Variants in ATRNL1 observed in about 807,000 individuals in gnomAD.
ATRNL1 encodes attractin-like protein 1.
In ATRNL1, 95 loss-of-function variants were observed where a neutral mutation model predicts 182.7. That is an observed-to-expected ratio of 0.52 (90% CI 0.44 to 0.62). The LOEUF (loss-of-function observed/expected upper bound fraction) is 0.62, where lower values mean the gene tolerates loss of function less well. ATRNL1 is among the 20% of genes least tolerant of loss of function. The probability of loss-of-function intolerance (pLI) is 0.00; values close to 1 mark genes in which losing one functional copy is unlikely to be tolerated. For synonymous variants in ATRNL1, 576 were observed against 568.3 expected (o/e 1.01, Z -0.19); for missense variants, 1,471 against 1,679.5 (o/e 0.88, Z 2.17).
At chr10:115,491,297 A>G (rs1234219279) in intron 24 of ATRNL1, among the ~76,000 whole-genome samples, 1 of 152,134 alleles carries the variant, frequency 6.6e-6, no homozygotes, top group Non-Finnish European at 1.5e-5. Flanking sequence ...TACTCTCTTC[A>G]GAGCTGTCAG....
Position 115,093,448 on chromosome 10 carries a change from G to T in ATRNL1, c.-303G>T, listed in dbSNP as rs2084926806. 4.0e-6 allele frequency: 2 copies of T among 503,824 alleles called. No homozygotes were observed. Among genetic ancestry groups the T allele is most frequent in the Non-Finnish European group, 7.2e-6 (2 of 278,494 alleles). 31.2% of individuals were successfully genotyped at this position (503,824 alleles called of 1,614,324 possible). ...TCAGGTCCCCTCAGGAGCGCCGGGC[G>T]CAGTCTGCGCCTCCCGCTCCCCGCC... is the stretch of plus-strand genomic sequence containing the variant. On this transcript the variant is annotated 5_prime_UTR_variant, in exon 1 of 29. Coordinates refer to ENST00000355044, the MANE Select transcript of ATRNL1 (RefSeq NM_207303.4). The surrounding 1 kb of genome is among the most constrained non-coding windows in gnomAD (Gnocchi z 6.1).
intron 1 of ATRNL1, among the ~76,000 whole-genome samples, chr10:115,096,377 ATTC>A (rs2085011022): frequency 1.3e-5 from 2 of 152,328 alleles, no homozygotes; most frequent in Middle Eastern, 3.4e-3. Context: ...GTAGAAAAGA[ATTC>A]TTCTTGGTAA....
chr10:115,093,816 TCGGCCGG>T lies in ATRNL1; in HGVS notation c.70_76del (p.Pro24AlafsTer74). The T allele has an allele frequency of 1.3e-6, 2 of 1,500,222 alleles. No individual in the cohort carries two copies. Among genetic ancestry groups the T allele is most frequent in the Non-Finnish European group, 1.8e-6 (2 of 1,125,854 alleles). The allele number at this position is 1,500,222 out of a possible 1,614,324, so 92.9% of individuals were successfully genotyped here. ...CAGCGGCCCCGGGGGTGTGGAGGGCTCGGCCGGCGGGCGGCGGCGGCGGGGGCGCCTC... is the reference window on the plus strand; with the variant it reads ...CAGCGGCCCCGGGGGTGTGGAGGGCTCGGGCGGCGGCGGCGGGGGCGCCTC... On this transcript the variant is annotated frameshift_variant, in exon 1 of 29. Coordinates refer to ENST00000355044, the MANE Select transcript of ATRNL1 (RefSeq NM_207303.4). LOFTEE classifies it high-confidence loss of function. The surrounding 1 kb of genome is among the most constrained non-coding windows in gnomAD (Gnocchi z 6.1).
chr10:115,112,198 A>G (rs571976325), intron 1 of ATRNL1, among the ~76,000 whole-genome samples: 1 of 152,348 alleles, frequency 6.6e-6, no homozygotes, highest in African/African-American at 2.4e-5. Context: ...TCATGAAGTG[A>G]AAGAGTATTG....
rs1290918962 is a variant in ATRNL1 at position 115,300,245 on chromosome 10, T to C, written c.2627T>C (p.Val876Ala). The change falls in exon 16 of 29, where the codon GTT becomes GCT. Residue 876 changes from valine to alanine, a missense_variant and splice_region_variant. Val to Ala is a moderately conservative substitution (Grantham distance 64). Around this residue, in one of 3 missense-constraint regions of ATRNL1, gnomAD observed 1,031 missense variants for 1,156.0 expected, o/e 0.89. Transcript: ENST00000355044. ...AATGGCCTTGTCTGTGAAAAACCTG[T>C]TGGTAAGTAGTCCAGTAAATTAGCA... is the stretch of plus-strand genomic sequence containing the variant. ...MANGLVCEKP[V>A]VSPNQNARPC... 2 of 1,612,322 alleles carry C rather than the reference T, an allele frequency of 1.2e-6. No homozygotes were observed. Among genetic ancestry groups the C allele is most frequent in the Non-Finnish European group, 1.7e-6 (2 of 1,178,692 alleles).
chr10:115,388,078 G>A (rs958044190), intron 19 of ATRNL1, among the ~76,000 whole-genome samples: 1 of 152,150 alleles, frequency 6.6e-6, no homozygotes, highest in African/African-American at 2.4e-5. Context: ...TGGGAAGAAG[G>A]CGTATTCTTT....
chr10:115,504,776 T>C (rs1170215551), intron 24 of ATRNL1, among the ~76,000 whole-genome samples: 5 of 152,072 alleles, frequency 3.3e-5, no homozygotes, highest in Non-Finnish European at 2.9e-5. Flanking sequence ...TGATAAAGTA[T>C]TTGATTTAAG....
At chr10:115,366,404 A>T (rs1353609920) in intron 19 of ATRNL1, among the ~76,000 whole-genome samples, 5 of 152,014 alleles carry the variant, frequency 3.3e-5, no homozygotes, top group Non-Finnish European at 7.4e-5. Flanking sequence ...TTTTGAGCCT[A>T]TGTGTGTCTC....
intron 28 of ATRNL1, among the ~76,000 whole-genome samples, chr10:115,915,456 G>T (rs1278993811): frequency 1.3e-5 from 2 of 152,038 alleles, no homozygotes; most frequent in African/African-American, 4.8e-5. Flanking sequence ...AGGATATAAT[G>T]ATTAAATAAG....
chr10:115,519,678 T>G (rs1042612166), intron 25 of ATRNL1, among the ~76,000 whole-genome samples: 3 of 152,208 alleles, frequency 2.0e-5, no homozygotes, highest in Non-Finnish European at 2.9e-5. Flanking sequence ...AATTTGTTTA[T>G]TTCTTAGTTA....
In ATRNL1 at chr10:115,286,459, AT is replaced by A. The variant is rs568013394; in HGVS notation, c.2415+71del. 2.1e-3 allele frequency: 2,487 copies of A among 1,167,238 alleles called. 12 individuals are homozygous for A. The highest frequency in any genetic ancestry group is 1.6e-3 in the South Asian group (74 of 46,368). The allele number at this position is 1,167,238 out of a possible 1,614,324, so 72.3% of individuals were successfully genotyped here. A position where few individuals can be genotyped will look rare whatever the true frequency, so the allele number is the denominator to read the frequency against. ...TATGATAATTTCATAATTATTTGAA[AT>A]TTTTTTTTGGTTTTAATACATTATT... On this transcript the variant is annotated intron_variant, in intron 15 of 28. Coordinates refer to ENST00000355044, the MANE Select transcript of ATRNL1 (RefSeq NM_207303.4).
rs1953827490 is a variant in ATRNL1 at position 115,944,540 on chromosome 10, A to G, written c.4019-118A>G. 9 of 808,578 alleles carry G rather than the reference A, an allele frequency of 1.1e-5. No homozygotes were observed. The East Asian group carries it at 2.5e-4, about 23-fold the overall frequency. 50.1% of individuals were successfully genotyped at this position (808,578 alleles called of 1,614,324 possible). On this transcript the variant is annotated intron_variant, in intron 28 of 28. Coordinates refer to ENST00000355044, the MANE Select transcript of ATRNL1 (RefSeq NM_207303.4). ...GCAAACTACTTGAAAACTTCCATTA[A>G]CAGCCAAACGTGTGATGACTAAATG...
At chr10:115,857,452 A>C (rs1232151355) in intron 28 of ATRNL1, among the ~76,000 whole-genome samples, 1 of 152,242 alleles carries the variant, frequency 6.6e-6, no homozygotes, top group Non-Finnish European at 1.5e-5. Context: ...ATTTAAAACC[A>C]GAAAACTTTT....
At chr10:115,910,830 G>A (rs1166624628) in intron 28 of ATRNL1, among the ~76,000 whole-genome samples, 3 of 152,126 alleles carry the variant, frequency 2.0e-5, no homozygotes, top group Admixed American at 6.5e-5. Flanking sequence ...TTCTCATCCC[G>A]CCTGCCAATA....
intron 19 of ATRNL1, among the ~76,000 whole-genome samples, chr10:115,337,526 A>G (rs782271701): frequency 6.6e-6 from 1 of 151,624 alleles, no homozygotes; most frequent in Non-Finnish European, 1.5e-5. Flanking sequence ...AATCATCCCT[A>G]CCTTCTCCCC....
intron 19 of ATRNL1, among the ~76,000 whole-genome samples, chr10:115,389,574 A>ATATGTG (rs1843903335): frequency 8.5e-6 from 1 of 117,102 alleles, no homozygotes; most frequent in African/African-American, 3.3e-5. Context: ...ATATATATAT[A>ATATGTG]TATATATATA....
chr10:115,439,152 G>A (rs868910225), intron 21 of ATRNL1, among the ~76,000 whole-genome samples: 13 of 151,996 alleles, frequency 8.6e-5, no homozygotes, highest in African/African-American at 2.4e-4. Context: ...GAAATGGATC[G>A]TCATAAAGGT....
At chr10:115,692,459 A>G (rs1555048494) in intron 26 of ATRNL1, among the ~76,000 whole-genome samples, 1 of 152,150 alleles carries the variant, frequency 6.6e-6, no homozygotes, top group African/African-American at 2.4e-5. Context: ...TTCTAGGTAC[A>G]TTACAGGTGA....
chr10:115,230,473 A>G (rs782253741), intron 9 of ATRNL1, among the ~76,000 whole-genome samples: 6 of 152,166 alleles, frequency 3.9e-5, no homozygotes, highest in Non-Finnish European at 8.8e-5. Flanking sequence ...GGAACAGCAA[A>G]GGGGCTAGTG....
Sources: gnomAD v4.1 joint callset for allele counts (sites outside exome capture counted in the v4.1 genomes callset) on GRCh38, gnomAD v4.1.1 for gene constraint, gnomAD v4.1.1 regional missense constraint, Gnocchi (gnomAD v3.1) non-coding constraint, MANE v1.5 for transcripts, NCBI Gene and HGNC (gene_info 2026-07-23, HGNC 2026-07-21) for gene names.